The following CRACDL variants were observed in gnomAD, a reference collection of about 807,000 sequenced individuals.
CRACDL encodes CRACD like.
Under a neutral mutation model 70.6 loss-of-function variants are expected in CRACDL, and 26 were observed. The observed-to-expected ratio is 0.37, with a 90% CI of 0.27 to 0.51. The LOEUF is 0.51. Among genes scored for constraint, CRACDL ranks in the 20% least tolerant of loss-of-function variants. The pLI, the probability that CRACDL is intolerant of heterozygous loss-of-function variation, is 0.94. For missense variants in CRACDL, 1,283 were observed against 1,376.9 expected (o/e 0.93, Z 1.08); for synonymous variants, 618 against 615.2 (o/e 1.00, Z -0.07).
intron 1 of CRACDL, among the ~76,000 whole-genome samples, chr2:98,864,812 G>C (rs1707071193): frequency 1.3e-5 from 2 of 152,148 alleles, no homozygotes; most frequent in Non-Finnish European, 2.9e-5. Context: ...CTCCCAAAGT[G>C]CTGGGATTAC....
chr2:98,816,876 T>A (rs1240735762), intron 7 of CRACDL, among the ~76,000 whole-genome samples: 1 of 152,174 alleles, frequency 6.6e-6, no homozygotes, highest in Non-Finnish European at 1.5e-5. Flanking sequence ...ATAACTGAAA[T>A]CGGAATCTCA....
intron 1 of CRACDL, among the ~76,000 whole-genome samples, chr2:98,899,818 G>C (rs1269225046): frequency 6.9e-6 from 1 of 145,240 alleles, no homozygotes; most frequent in Admixed American, 6.9e-5. Context: ...CTCAGTGGGA[G>C]GGGAGGCAGA....
intron 1 of CRACDL, among the ~76,000 whole-genome samples, chr2:98,880,651 G>T (rs918658463): frequency 1.3e-5 from 2 of 152,142 alleles, no homozygotes; most frequent in Non-Finnish European, 2.9e-5. Context: ...TGGCCGCGAG[G>T]TCAGGTGGCC....
At chr2:98,798,400 C>T (rs1194571083) in intron 7 of CRACDL, among the ~76,000 whole-genome samples, 1 of 139,966 alleles carries the variant, frequency 7.1e-6, no homozygotes, top group Non-Finnish European at 1.5e-5. Flanking sequence ...GCCGAGATCG[C>T]GCCACTGCAC....
chr2:98,826,521 G>T (rs1445948607), intron 6 of CRACDL, among the ~76,000 whole-genome samples: 1 of 152,166 alleles, frequency 6.6e-6, no homozygotes, highest in East Asian at 1.9e-4. Flanking sequence ...TTTTTCTGGG[G>T]GACTCTCAGG....
In CRACDL at chr2:98,902,316, G is replaced by A. The variant is rs549940529; in HGVS notation, c.-11+33622C>T. Among the ~76,000 whole-genome samples, 10 of 152,274 alleles carry A rather than the reference G, an allele frequency of 6.6e-5. No homozygotes were observed. In the East Asian group the frequency reaches 1.7e-3, roughly 26 times the overall value. The stretch of plus-strand genomic sequence containing the variant: ...AGCCTTCACCCCTGCTCTGCCTGCA[G>A]GGCCCCGAGTCAGGCCTCCGGAGAA... On this transcript the variant is annotated intron_variant, in intron 1 of 9. Transcript: ENST00000397899.
At chr2:98,875,647 C>A (rs756783177) in intron 1 of CRACDL, among the ~76,000 whole-genome samples, 3 of 152,156 alleles carry the variant, frequency 2.0e-5, no homozygotes, top group Non-Finnish European at 4.4e-5. Flanking sequence ...TGGCCTGACA[C>A]GTAAGACATG....
intron 1 of CRACDL, among the ~76,000 whole-genome samples, chr2:98,871,216 C>A (rs895047605): frequency 6.6e-6 from 1 of 152,212 alleles, no homozygotes; most frequent in South Asian, 2.1e-4. Context: ...CCATGTGCAT[C>A]TATTAGAATA....
At chr2:98,915,914 G>C (rs1184302354) in intron 1 of CRACDL, among the ~76,000 whole-genome samples, 1 of 152,156 alleles carries the variant, frequency 6.6e-6, no homozygotes, top group African/African-American at 2.4e-5. Context: ...TCAAGGCATG[G>C]CCAAGCCTTG....
intron 1 of CRACDL, among the ~76,000 whole-genome samples, chr2:98,933,790 G>A (rs1256915227): frequency 6.6e-6 from 1 of 152,212 alleles, no homozygotes; most frequent in African/African-American, 2.4e-5. Context: ...GAGCATCCCT[G>A]AGGGCTGGCC....
At chr2:98,853,678 A>T (rs1432107676) in intron 1 of CRACDL, among the ~76,000 whole-genome samples, 2 of 152,164 alleles carry the variant, frequency 1.3e-5, no homozygotes, top group Non-Finnish European at 2.9e-5. Context: ...ATAACAACTA[A>T]AAAAACTATT....
chr2:98,843,043 A>G (rs769757775), intron 2 of CRACDL, among the ~76,000 whole-genome samples: 3 of 152,018 alleles, frequency 2.0e-5, no homozygotes, highest in Non-Finnish European at 4.4e-5. Flanking sequence ...CCTCCCTTCA[A>G]TGCATCCTTA....
chr2:98,896,542 A>G (rs765022507), intron 1 of CRACDL, among the ~76,000 whole-genome samples: 10 of 152,196 alleles, frequency 6.6e-5, no homozygotes, highest in Non-Finnish European at 8.8e-5. Context: ...TTTATGCAGC[A>G]GAGGAAACCA....
chr2:98,915,455 G>A (rs935296787), intron 1 of CRACDL, among the ~76,000 whole-genome samples: 1 of 152,168 alleles, frequency 6.6e-6, no homozygotes, highest in African/African-American at 2.4e-5. Flanking sequence ...GGGATGCCCG[G>A]GGACTGGTGG....
chr2:98,883,876 G>A (rs544286802), intron 1 of CRACDL, among the ~76,000 whole-genome samples: 1 of 152,190 alleles, frequency 6.6e-6, no homozygotes, highest in Non-Finnish European at 1.5e-5. Flanking sequence ...TAATGGCAGG[G>A]ATTATTGCTC....
intron 1 of CRACDL, among the ~76,000 whole-genome samples, chr2:98,875,873 A>G (rs1166745424): frequency 1.3e-5 from 2 of 152,238 alleles, no homozygotes. Context: ...TGGAACTCTG[A>G]TGACATAGAG....
At chr2:98,869,937 T>C (rs1292790505) in intron 1 of CRACDL, among the ~76,000 whole-genome samples, 1 of 152,106 alleles carries the variant, frequency 6.6e-6, no homozygotes, top group Non-Finnish European at 1.5e-5. Flanking sequence ...GCCCTCCCCC[T>C]GGAGCCCAAA....
At chr2:98,871,623 T>C (rs993010852) in intron 1 of CRACDL, among the ~76,000 whole-genome samples, 1 of 152,190 alleles carries the variant, frequency 6.6e-6, no homozygotes, top group South Asian at 2.1e-4. Flanking sequence ...GCAGCATGTA[T>C]CAAAACCTGC....
chr2:98,874,723 C>A (rs1707437597), intron 1 of CRACDL, among the ~76,000 whole-genome samples: 1 of 152,154 alleles, frequency 6.6e-6, no homozygotes, highest in South Asian at 2.1e-4. Flanking sequence ...TTGGGCCAGC[C>A]CAGTATTGTC....
Sources: gnomAD v4.1 joint callset for allele counts (sites outside exome capture counted in the v4.1 genomes callset) on GRCh38, gnomAD v4.1.1 for gene constraint, MANE v1.5 for transcripts, NCBI Gene and HGNC (gene_info 2026-07-23, HGNC 2026-07-21) for gene names.